ERICH3: variants seen among roughly 807,000 people sequenced by gnomAD.
ERICH3 encodes the protein glutamate-rich protein 3.
Under a neutral mutation model 131.1 loss-of-function variants are expected in ERICH3, and 126 were observed. That is an observed-to-expected ratio of 0.96 (90% CI 0.83 to 1.11). ERICH3 has a LOEUF of 1.11. Among genes scored for constraint, ERICH3 ranks in the 50% most tolerant of loss-of-function variants. ERICH3 has a pLI of 0.00. For synonymous variants in ERICH3, 695 were observed against 644.6 expected, an observed-to-expected ratio of 1.08 and a Z score of -1.18; for missense variants, 2,050 against 1,810.7, an observed-to-expected ratio of 1.13 and a Z score of -2.40.
chr1:74,661,986 C>T (rs1026769702), intron 1 of ERICH3, among the ~76,000 whole-genome samples: 3 of 152,144 alleles, frequency 2.0e-5, no homozygotes, highest in African/African-American at 4.8e-5. Flanking sequence ...GGGAAAGATG[C>T]GTTTCAGACA....
intron 9 of ERICH3, 127 bp from the exon 10 acceptor site, chr1:74,607,029 A>G: frequency 1.5e-6 from 1 of 667,594 alleles, no homozygotes; most frequent in Non-Finnish European, 2.3e-6. Flanking sequence ...TGATTACAGT[A>G]CACACTAATA....
chr1:74,635,629 C>T (rs1216737924), intron 6 of ERICH3, among the ~76,000 whole-genome samples: 2 of 152,084 alleles, frequency 1.3e-5, no homozygotes, highest in African/African-American at 2.4e-5. Flanking sequence ...AATACTTTCC[C>T]TAATTAGTGA....
intron 1 of ERICH3, among the ~76,000 whole-genome samples, chr1:74,669,889 T>C (rs1186554315): frequency 6.6e-6 from 1 of 152,200 alleles, no homozygotes; most frequent in Non-Finnish European, 1.5e-5. Context: ...ATTTTTGTTT[T>C]AGTGTATAAC....
intron 12 of ERICH3, among the ~76,000 whole-genome samples, chr1:74,578,887 T>G (rs1313586487): frequency 6.6e-6 from 1 of 152,152 alleles, no homozygotes; most frequent in African/African-American, 2.4e-5. Flanking sequence ...TAAATCGGTT[T>G]TGGAGGGAAA....
intron 12 of ERICH3, among the ~76,000 whole-genome samples, chr1:74,589,115 C>T (rs1435748016): frequency 1.3e-5 from 2 of 151,976 alleles, no homozygotes; most frequent in African/African-American, 4.8e-5. Context: ...CATTTTTCAT[C>T]TGTAAAAAAG....
chr1:74,602,341 C>A (rs886816878), intron 10 of ERICH3, among the ~76,000 whole-genome samples: 1 of 151,932 alleles, frequency 6.6e-6, no homozygotes, highest in Admixed American at 6.6e-5. Context: ...AGCACACCAC[C>A]TTTGTGTCAT....
Position 74,606,910 on chromosome 1 carries a change from A to G in ERICH3, c.1188-8T>C. 1 of 1,605,514 alleles carries G rather than the reference A, an allele frequency of 6.2e-7. No individual in the cohort carries two copies. The highest frequency in any genetic ancestry group is 8.5e-7 in the Non-Finnish European group (1 of 1,176,242). The stretch of plus-strand genomic sequence containing the variant: ...CCCATTGCAATAATGCACCTATGAA[A>G]AATATTAGCAGGAAGTGTTTGTTAA... On this transcript the variant is annotated splice_polypyrimidine_tract_variant and splice_region_variant and intron_variant, in intron 9 of 14. Transcript: ENST00000326665.
chr1:74,598,890 C>A (rs1382237322), intron 11 of ERICH3, among the ~76,000 whole-genome samples: 3 of 151,748 alleles, frequency 2.0e-5, no homozygotes, highest in African/African-American at 7.3e-5. Context: ...TTAAGGAAAT[C>A]TAGCCTAAAG....
At chr1:74,629,622 C>G (rs1258143876) in intron 7 of ERICH3, among the ~76,000 whole-genome samples, 2 of 152,144 alleles carry the variant, frequency 1.3e-5, no homozygotes. Context: ...GGTCATTTTC[C>G]TGCTGGACAT....
rs1196934780 is a variant in ERICH3, at chr1:74,570,286, T to A, written c.*172A>T. On this transcript the variant is annotated 3_prime_UTR_variant, in exon 15 of 15. Coordinates refer to ENST00000326665, the MANE Select transcript of ERICH3 (RefSeq NM_001002912.5). ...CTTGAGCTATTCTCAAGGTGCTTAC[T>A]GAGCTACTGACCAGGGCTGACAGAT... The A allele has an allele frequency of 1.3e-5, 2 of 152,254 alleles. No homozygotes were observed. The highest frequency in any genetic ancestry group is 3.8e-4 in the East Asian group (2 of 5,200). The allele number at this position is 152,254 out of a possible 1,614,324, so 9.4% of individuals were successfully genotyped here. A position where few individuals can be genotyped will look rare whatever the true frequency, so the allele number is the denominator to read the frequency against.
chr1:74,670,927 A>G (rs1199165471), intron 1 of ERICH3, among the ~76,000 whole-genome samples: 1 of 152,142 alleles, frequency 6.6e-6, no homozygotes, highest in Non-Finnish European at 1.5e-5. Flanking sequence ...AGGTCTATAA[A>G]CAGCTGCTCT....
At chr1:74,637,032 T>C (rs970425877) in intron 5 of ERICH3, among the ~76,000 whole-genome samples, 4 of 152,180 alleles carry the variant, frequency 2.6e-5, no homozygotes, top group African/African-American at 9.7e-5. Context: ...GGAAAATGTA[T>C]ATAAAATTGG....
chr1:74,644,805 T>C (rs1260184624), intron 3 of ERICH3, among the ~76,000 whole-genome samples: 1 of 152,046 alleles, frequency 6.6e-6, no homozygotes, highest in Non-Finnish European at 1.5e-5. Flanking sequence ...CAACATCATC[T>C]TTCTAAAACA....
chr1:74,670,308 C>T (rs1054520325), intron 1 of ERICH3, among the ~76,000 whole-genome samples: 2 of 152,020 alleles, frequency 1.3e-5, no homozygotes, highest in Admixed American at 1.3e-4. Context: ...GGCTCCTGCA[C>T]ATCTCAGTTG....
intron 7 of ERICH3, chr1:74,624,533 TTTTCTTAC>T (rs1480317122): frequency 1.3e-5 from 2 of 152,220 alleles, no homozygotes; most frequent in Non-Finnish European, 2.9e-5. Context: ...TTTGGGCCAT[TTTTCTTAC>T]TACTGTGTAA....
At chr1:74,578,921 C>T (rs912863929) in intron 12 of ERICH3, among the ~76,000 whole-genome samples, 2 of 151,968 alleles carry the variant, frequency 1.3e-5, no homozygotes, top group Non-Finnish European at 2.9e-5. Context: ...AATATTAGGA[C>T]GACAAACAGA....
In ERICH3 at chr1:74,658,036, T is replaced by C. The variant is rs188262960; in HGVS notation, c.24-8721A>G. ...TTTTTGTAGTGCATAGAGTAAACAC[T>C]CTGTATAATATACACAATCTTGTGA... On this transcript the variant is annotated intron_variant, in intron 1 of 14. Coordinates refer to ENST00000326665, the MANE Select transcript of ERICH3 (RefSeq NM_001002912.5). 2.0e-4 allele frequency among the ~76,000 whole-genome samples: 30 copies of C among 152,272 alleles called. 1 individual carries two copies. The highest frequency in any genetic ancestry group is 3.4e-3 in the Middle Eastern group (1 of 294).
At chr1:74,590,221 C>A in intron 11 of ERICH3, 141 bp from the exon 12 acceptor site, 1 of 777,754 alleles carries the variant, frequency 1.3e-6, no homozygotes, top group Non-Finnish European at 2.0e-6. Context: ...CCCATATAGT[C>A]TACTCAGTGG....
intron 3 of ERICH3, among the ~76,000 whole-genome samples, chr1:74,643,531 G>A (rs1355230622): frequency 6.6e-6 from 1 of 151,930 alleles, no homozygotes; most frequent in East Asian, 1.9e-4. Flanking sequence ...ATTTAAATAA[G>A]GTTCATACAG....
Sources: gnomAD v4.1 joint callset for allele counts (sites outside exome capture counted in the v4.1 genomes callset) on GRCh38, gnomAD v4.1.1 for gene constraint, MANE v1.5 for transcripts, NCBI Gene and HGNC (gene_info 2026-07-23, HGNC 2026-07-21) for gene names.